Variants in CIB4 observed in about 807,000 individuals in gnomAD.
CIB4 encodes the protein calcium and integrin-binding family member 4.
Under a neutral mutation model 25.8 loss-of-function variants are expected in CIB4, and 25 were observed. The observed-to-expected ratio is 0.97, with a 90% CI of 0.71 to 1.35. CIB4 has a LOEUF of 1.35. Ranked by LOEUF, CIB4 falls within the 40% of genes most tolerant of loss-of-function variation. The probability of loss-of-function intolerance (pLI) is 0.00; values close to 1 mark genes in which losing one functional copy is unlikely to be tolerated. For synonymous variants in CIB4, 75 were observed against 81.4 expected, an observed-to-expected ratio of 0.92 and a Z score of 0.42; for missense variants, 235 against 228.2, an observed-to-expected ratio of 1.03 and a Z score of -0.19.
At chr2:26,613,832 A>T (rs1333163971) in intron 3 of CIB4, among the ~76,000 whole-genome samples, 1 of 152,216 alleles carries the variant, frequency 6.6e-6, no homozygotes, top group Non-Finnish European at 1.5e-5. Flanking sequence ...GTCTCTCTGT[A>T]GTCGGGCCTG....
chr2:26,589,036 T>TCTTCC (rs1668516950), intron 4 of CIB4, among the ~76,000 whole-genome samples: 7 of 43,004 alleles, frequency 1.6e-4, no homozygotes, highest in African/African-American at 6.9e-4. Flanking sequence ...CTTCTTCTTC[T>TCTTCC]TCTTCTTCTT....
chr2:26,589,066 C>CTCTTCTTCTTCTTCTTCTTCTTCT lies in CIB4; in HGVS notation c.329-5169_329-5168insAGAAGAAGAAGAAGAAGAAGAAGA, dbSNP rs1365384371. 8.4e-4 allele frequency among the ~76,000 whole-genome samples: 39 copies of CTCTTCTTCTTCTTCTTCTTCTTCT among 46,364 alleles called. 8 individuals carry two copies. In the East Asian group the frequency reaches 0.023, roughly 27 times the overall value. The allele number at this position is 46,364 out of a possible 152,430, so 30.4% of individuals were successfully genotyped here. A position where few individuals can be genotyped will look rare whatever the true frequency, so the allele number is the denominator to read the frequency against. ...CTTCTTCTTCTTCTTCTTCCTCTTC[C>CTCTTCTTCTTCTTCTTCTTCTTCT]TCTTCCTCTTCTTCTTCTTCTTCTT... On this transcript the variant is annotated intron_variant, in intron 4 of 6. Coordinates refer to ENST00000288861, the MANE Select transcript of CIB4 (RefSeq NM_001029881.3).
chr2:26,616,974 G>A (rs140524580), intron 3 of CIB4, among the ~76,000 whole-genome samples: 11 of 152,294 alleles, frequency 7.2e-5, no homozygotes, highest in African/African-American at 2.2e-4. Context: ...GGACAGCTCA[G>A]GCAAGCACTG....
At chr2:26,601,306 T>G (rs1195536787) in intron 3 of CIB4, among the ~76,000 whole-genome samples, 2 of 149,424 alleles carry the variant, frequency 1.3e-5, no homozygotes, top group East Asian at 3.9e-4. Flanking sequence ...TGGTATGGTA[T>G]TTGTTCAAGG....
Position 26,581,309 on chromosome 2 carries a change from G to A in CIB4, c.*54C>T, listed in dbSNP as rs77434337. 1.3e-6 allele frequency: 2 copies of A among 1,498,684 alleles called. No homozygotes were observed. Among genetic ancestry groups the A allele is most frequent in the Non-Finnish European group, 1.9e-6 (2 of 1,075,200 alleles). The allele number at this position is 1,498,684 out of a possible 1,614,324, so 92.8% of individuals were successfully genotyped here. Reference sequence around the variant, plus strand: ...CCAGCTCCCTCCAGTGCTGGAGGGGGTTCGATTCCTGTGGTCTCCCTCGAG... The same window carrying A: ...CCAGCTCCCTCCAGTGCTGGAGGGGATTCGATTCCTGTGGTCTCCCTCGAG... On this transcript the variant is annotated 3_prime_UTR_variant, in exon 7 of 7. Coordinates refer to ENST00000288861, the MANE Select transcript of CIB4 (RefSeq NM_001029881.3).
intron 2 of CIB4, among the ~76,000 whole-genome samples, chr2:26,629,955 G>T (rs1013007149): frequency 6.6e-6 from 1 of 152,194 alleles, no homozygotes; most frequent in Non-Finnish European, 1.5e-5. Flanking sequence ...CCCAAGAAAA[G>T]AGGTCACTTC....
chr2:26,633,346 TG>T (rs1296445086), intron 2 of CIB4, among the ~76,000 whole-genome samples: 2 of 152,142 alleles, frequency 1.3e-5, no homozygotes, highest in African/African-American at 4.8e-5. Flanking sequence ...TTTCTACAGA[TG>T]GGTAAACTGA....
At chr2:26,614,795 A>G (rs1255611473) in intron 3 of CIB4, among the ~76,000 whole-genome samples, 1 of 152,256 alleles carries the variant, frequency 6.6e-6, no homozygotes, top group African/African-American at 2.4e-5. Flanking sequence ...GGGGCTCGCC[A>G]TGCCCAAGTT....
intron 3 of CIB4, among the ~76,000 whole-genome samples, chr2:26,608,394 A>G (rs1668933738): frequency 6.6e-6 from 1 of 152,204 alleles, no homozygotes; most frequent in Admixed American, 6.5e-5. Flanking sequence ...TGAGTCCCAC[A>G]GGGAATTTGA....
chr2:26,617,958 C>T (rs1459048694), intron 3 of CIB4, among the ~76,000 whole-genome samples: 1 of 152,180 alleles, frequency 6.6e-6, no homozygotes, highest in African/African-American at 2.4e-5. Context: ...TGGGTTGGAA[C>T]CTTGGCTCAC....
chr2:26,605,491 G>A, intron 3 of CIB4: 1 of 470,980 alleles, frequency 2.1e-6, no homozygotes, highest in South Asian at 1.5e-5. Context: ...AGATGAAGTT[G>A]CTGGACTCAC....
In CIB4 at chr2:26,591,964, C is replaced by T. The variant is rs548079862; in HGVS notation, c.328+3212G>A. ...GCGCCCTCCAGGTGAGAAGGCACCC[C>T]GGCCAGAACCTTGATGGCAGCTTGC... On this transcript the variant is annotated intron_variant, in intron 4 of 6. Coordinates refer to ENST00000288861, the MANE Select transcript of CIB4 (RefSeq NM_001029881.3). 2.8e-4 allele frequency among the ~76,000 whole-genome samples: 43 copies of T among 152,330 alleles called. No homozygotes were observed. The South Asian group carries it at 2.9e-3, about 10-fold the overall frequency.
chr2:26,595,318 C>A lies in CIB4; in HGVS notation c.187-1G>T. ...AGATACGGTCTCTGAAAGGGTTGACCTGTGGGCGACAGGAGGAGCAGGGAG... is the reference window on the plus strand; with the variant it reads ...AGATACGGTCTCTGAAAGGGTTGACATGTGGGCGACAGGAGGAGCAGGGAG... On this transcript the variant is annotated splice_acceptor_variant, in intron 3 of 6. Coordinates refer to ENST00000288861, the MANE Select transcript of CIB4 (RefSeq NM_001029881.3). LOFTEE classifies it high-confidence loss of function. 1.2e-6 allele frequency: 2 copies of A among 1,611,328 alleles called. No individual in the cohort carries two copies. Among genetic ancestry groups the A allele is most frequent in the South Asian group, 1.1e-5 (1 of 90,984 alleles).
chr2:26,623,513 T>C (rs756181403), intron 3 of CIB4: 1 of 471,490 alleles, frequency 2.1e-6, no homozygotes, highest in South Asian at 1.5e-5. Flanking sequence ...AGATAGGAAC[T>C]AGTTCTAAGC....
At chr2:26,591,205 C>T (rs1393806876) in intron 4 of CIB4, among the ~76,000 whole-genome samples, 1 of 152,222 alleles carries the variant, frequency 6.6e-6, no homozygotes, top group Non-Finnish European at 1.5e-5. Context: ...TTTCACAACT[C>T]TGCTTCTTTT....
chr2:26,637,252 C>A (rs75128211), intron 2 of CIB4, among the ~76,000 whole-genome samples: 3,229 of 152,248 alleles, frequency 0.021, 116 homozygotes, highest in African/African-American at 0.074. Flanking sequence ...TTTGGAGGTT[C>A]CTGAGCCTTT....
At chr2:26,640,633 G>A in intron 1 of CIB4, 66 bp from the exon 2 acceptor site, 2 of 1,522,236 alleles carry the variant, frequency 1.3e-6, no homozygotes, top group Non-Finnish European at 1.8e-6. Context: ...CCTGGGGAGT[G>A]GCGCAATTCA....
chr2:26,600,642 G>T (rs1385695596), intron 3 of CIB4, among the ~76,000 whole-genome samples: 2 of 152,142 alleles, frequency 1.3e-5, no homozygotes, highest in African/African-American at 4.8e-5. Context: ...GCTGTGTAAG[G>T]TTAGGTGAGC....
At chr2:26,631,196 C>A (rs777629060) in intron 2 of CIB4, among the ~76,000 whole-genome samples, 4 of 152,204 alleles carry the variant, frequency 2.6e-5, no homozygotes, top group Admixed American at 2.6e-4. Flanking sequence ...AAGTGAAGAC[C>A]GGGTGCGGCG....
Sources: gnomAD v4.1 joint callset for allele counts (sites outside exome capture counted in the v4.1 genomes callset) on GRCh38, gnomAD v4.1.1 for gene constraint, MANE v1.5 for transcripts, NCBI Gene and HGNC (gene_info 2026-07-23, HGNC 2026-07-21) for gene names.